The following TRPC7 variants were observed in gnomAD, a reference collection of about 807,000 sequenced individuals.
TRPC7 encodes short transient receptor potential channel 7.
A neutral mutation model predicts 90.1 loss-of-function variants in TRPC7; 42 were observed. The ratio of observed to expected loss-of-function variants is 0.47; its 90% CI spans 0.36 to 0.60. TRPC7 has a LOEUF of 0.60. TRPC7 is among the 20% of genes least tolerant of loss of function. TRPC7 has a pLI of 0.00. For synonymous variants in TRPC7, 451 were observed against 436.3 expected (o/e 1.03, Z -0.42); for missense variants, 955 against 1,112.3 (o/e 0.86, Z 2.01).
rs373983609 is a variant in TRPC7 at position 136,261,721 on chromosome 5, G to A, written c.1345+4499C>T. Among the ~76,000 whole-genome samples the A allele has an allele frequency of 2.6e-5, 4 of 152,258 alleles. No homozygotes were observed. The South Asian group carries it at 8.3e-4, about 32-fold the overall frequency. ...AAACATTGTTGTGCTCTGGGGCTTGGTCCTCAGTTCTCTGCCCACATTCAT... is the reference window on the plus strand; with the variant it reads ...AAACATTGTTGTGCTCTGGGGCTTGATCCTCAGTTCTCTGCCCACATTCAT... On this transcript the variant is annotated intron_variant, in intron 5 of 11. Coordinates refer to ENST00000513104, the MANE Select transcript of TRPC7 (RefSeq NM_020389.3).
intron 3 of TRPC7, among the ~76,000 whole-genome samples, chr5:136,310,014 A>G (rs62385833): frequency 0.33 from 50,069 of 151,916 alleles, 9,225 homozygotes; most frequent in Admixed American, 0.45. Context: ...AAATAATAAA[A>G]AGATTAAAAT....
intron 2 of TRPC7, among the ~76,000 whole-genome samples, chr5:136,351,732 G>A (rs895912336): frequency 1.7e-4 from 26 of 152,002 alleles, no homozygotes; most frequent in African/African-American, 5.3e-4. Context: ...TTCCACAATG[G>A]GATCTCTCTA....
chr5:136,296,250 G>A (rs1352068155), intron 3 of TRPC7, among the ~76,000 whole-genome samples: 1 of 152,156 alleles, frequency 6.6e-6, no homozygotes, highest in East Asian at 1.9e-4. Context: ...TTAAGTTAGG[G>A]AGGAATAATA....
At position 136,225,327 on chromosome 5, in the gene TRPC7, T is replaced by A; in HGVS notation, c.2290A>T (p.Asn764Tyr). Residue 764 changes from asparagine to tyrosine, a missense_variant, in exon 10 of 12, where the codon AAT (asparagine) becomes TAT (tyrosine). Physicochemically the swap from Asn to Tyr is moderately radical, Grantham distance 143. Transcript: ENST00000513104. ...TTATTTGCTGTCAGATTTTCAGAAT[T>A]CCTCATGCCAGCCTGGTAGCGAGTC... ...KKTRYQAGMR[N>Y]SENLTANNTL... 6.2e-7 allele frequency: 1 copy of A among 1,612,852 alleles called. No homozygotes were observed. The highest frequency in any genetic ancestry group is 8.5e-7 in the Non-Finnish European group (1 of 1,179,586).
At chr5:136,321,797 G>A (rs1759207783) in intron 2 of TRPC7, among the ~76,000 whole-genome samples, 1 of 152,104 alleles carries the variant, frequency 6.6e-6, no homozygotes, top group Non-Finnish European at 1.5e-5. Context: ...ATGGACTGAT[G>A]TACTATATAA....
chr5:136,256,473 C>T (rs545898649), intron 5 of TRPC7, among the ~76,000 whole-genome samples: 17 of 152,148 alleles, frequency 1.1e-4, no homozygotes, highest in Non-Finnish European at 2.5e-4. Flanking sequence ...GATGTCTTTC[C>T]AGTGCCAATA....
intron 3 of TRPC7, among the ~76,000 whole-genome samples, chr5:136,302,297 T>C (rs112076664): frequency 0.033 from 5,099 of 152,274 alleles, 281 homozygotes; most frequent in African/African-American, 0.12. Flanking sequence ...GTCCCACTTT[T>C]CTGGGGGAGG....
intron 5 of TRPC7, among the ~76,000 whole-genome samples, chr5:136,257,433 G>T (rs1047209761): frequency 2.0e-5 from 3 of 151,964 alleles, no homozygotes; most frequent in Non-Finnish European, 4.4e-5. Context: ...CTCCCACCTC[G>T]GCCTCCCAAA....
intron 3 of TRPC7, among the ~76,000 whole-genome samples, chr5:136,276,204 T>A (rs942164581): frequency 6.6e-6 from 1 of 152,222 alleles, no homozygotes; most frequent in Non-Finnish European, 1.5e-5. Context: ...AGCTTATTTT[T>A]TTCCCCATGA....
chr5:136,277,888 G>A (rs369154478), intron 3 of TRPC7, among the ~76,000 whole-genome samples: 41 of 152,314 alleles, frequency 2.7e-4, no homozygotes, highest in African/African-American at 8.7e-4. Context: ...AAGAACTGAT[G>A]TGACTGCCTA....
At chr5:136,269,630 G>A (rs909524396) in intron 4 of TRPC7, among the ~76,000 whole-genome samples, 1 of 152,170 alleles carries the variant, frequency 6.6e-6, no homozygotes, top group Non-Finnish European at 1.5e-5. Context: ...TTAAGCAAGG[G>A]CCTGGTTTAC....
At position 136,357,379 on chromosome 5, in the gene TRPC7, C is replaced by T. The variant is rs745955629; in HGVS notation, c.9G>A (p.Arg3=). 1.1e-5 allele frequency: 17 copies of T among 1,595,254 alleles called. No homozygotes were observed. Among genetic ancestry groups the T allele is most frequent in the South Asian group, 1.1e-5 (1 of 90,494 alleles). Residue 3 remains arginine (R), a synonymous_variant, in exon 2 of 12, where the codon AGG becomes AGA. Transcript: ENST00000513104. ...GCTGCATGTTTTTGAAGGTGCTGTT[C>T]CTCAACCTATGGGACAAGGCAAAGA... ML[R]NSTFKNMQRR... is the part of the protein sequence containing the mutation.
Position 136,356,735 on chromosome 5 carries a change from C to A in TRPC7, c.653G>T (p.Arg218Leu), listed in dbSNP as rs1429016496. ...RKDSFSHSRS[R>L]MNAYKGLASA... ...CGCCAGTCCTTTGTAGGCGTTCATGCGCGAGCGCGAGTGGCTGAAGGAGTC... is the reference window on the plus strand; with the variant it reads ...CGCCAGTCCTTTGTAGGCGTTCATGAGCGAGCGCGAGTGGCTGAAGGAGTC... The change falls in exon 2 of 12, where the codon CGC (arginine) becomes CTC (leucine). Residue 218 changes from arginine (R) to leucine (L), a missense_variant. Arg to Leu is a moderately radical substitution (Grantham distance 102, BLOSUM62 -2). This residue lies in a region of TRPC7 where 484 missense variants were observed against 509.6 expected (regional missense o/e 0.95). Transcript: ENST00000513104. The A allele has an allele frequency of 2.5e-6, 4 of 1,612,082 alleles. No homozygotes were observed.
intron 3 of TRPC7, among the ~76,000 whole-genome samples, chr5:136,296,583 A>G (rs966738266): frequency 3.3e-5 from 5 of 152,216 alleles, no homozygotes; most frequent in African/African-American, 1.2e-4. Flanking sequence ...CAAAATAATT[A>G]TAGGAAACAT....
At chr5:136,292,265 TAGC>T (rs1178639858) in intron 3 of TRPC7, among the ~76,000 whole-genome samples, 3 of 152,016 alleles carry the variant, frequency 2.0e-5, no homozygotes, top group Non-Finnish European at 4.4e-5. Flanking sequence ...ATTCAAAAGC[TAGC>T]AGAAGGCAAG....
intron 3 of TRPC7, among the ~76,000 whole-genome samples, chr5:136,301,212 A>C (rs1339515316): frequency 6.6e-6 from 1 of 151,926 alleles, no homozygotes; most frequent in East Asian, 1.9e-4. Flanking sequence ...TTTTTAGTAG[A>C]GATGGGGTTT....
At chr5:136,353,940 A>T (rs531988337) in intron 2 of TRPC7, among the ~76,000 whole-genome samples, 3 of 152,214 alleles carry the variant, frequency 2.0e-5, no homozygotes, top group Non-Finnish European at 4.4e-5. Context: ...AATATGCCAG[A>T]TTTGAGTTTT....
chr5:136,311,927 T>C (rs1057493314), intron 3 of TRPC7, among the ~76,000 whole-genome samples: 5 of 152,228 alleles, frequency 3.3e-5, no homozygotes, highest in African/African-American at 1.2e-4. Flanking sequence ...ACCCATCGGC[T>C]ACTGAAGCCT....
At chr5:136,347,129 C>G (rs1378939899) in intron 2 of TRPC7, among the ~76,000 whole-genome samples, 1 of 152,144 alleles carries the variant, frequency 6.6e-6, no homozygotes, top group African/African-American at 2.4e-5. Context: ...CTAGAGCCTC[C>G]AAGGAGGGCA....
Sources: gnomAD v4.1 joint callset for allele counts (sites outside exome capture counted in the v4.1 genomes callset) on GRCh38, gnomAD v4.1.1 for gene constraint, gnomAD v4.1.1 regional missense constraint, MANE v1.5 for transcripts, NCBI Gene and HGNC (gene_info 2026-07-23, HGNC 2026-07-21) for gene names.